Variants in ANKFN1 observed in about 807,000 individuals in gnomAD.
The protein encoded by ANKFN1 is ankyrin repeat and fibronectin type III domain containing 1.
A neutral mutation model predicts 108.7 loss-of-function variants in ANKFN1; 74 were observed. The observed-to-expected ratio is 0.68, with a 90% CI of 0.56 to 0.83. The LOEUF is 0.83. ANKFN1 is among the 40% of genes least tolerant of loss of function. The pLI, the probability that ANKFN1 is intolerant of heterozygous loss-of-function variation, is 0.00. For synonymous variants in ANKFN1, 547 were observed against 516.2 expected, an observed-to-expected ratio of 1.06 and a Z score of -0.81; for missense variants, 1,505 against 1,382.3, an observed-to-expected ratio of 1.09 and a Z score of -1.41.
At chr17:56,187,255 C>T (rs1305598617) in intron 1 of ANKFN1, among the ~76,000 whole-genome samples, 1 of 152,016 alleles carries the variant, frequency 6.6e-6, no homozygotes, top group Non-Finnish European at 1.5e-5. Context: ...ATCAAACAAC[C>T]CCATCAAAAA....
intron 8 of ANKFN1, among the ~76,000 whole-genome samples, chr17:56,428,393 CT>C (rs1567994049): frequency 4.0e-5 from 6 of 150,604 alleles, no homozygotes; most frequent in Non-Finnish European, 7.4e-5. Flanking sequence ...TACTGTTCAC[CT>C]TTTGTGACAT....
At chr17:56,343,287 C>T (rs2046007918) in intron 4 of ANKFN1, among the ~76,000 whole-genome samples, 1 of 151,886 alleles carries the variant, frequency 6.6e-6, no homozygotes, top group South Asian at 2.1e-4. Context: ...GTTTATTGTA[C>T]AGTAGGTATA....
intron 4 of ANKFN1, among the ~76,000 whole-genome samples, chr17:56,118,209 G>T (rs1369199949): frequency 6.6e-6 from 1 of 151,992 alleles, no homozygotes; most frequent in Non-Finnish European, 1.5e-5. Context: ...ACAAGTTTGC[G>T]AGGTCATATG....
chr17:56,138,002 C>T (rs114993171), intron 4 of ANKFN1, among the ~76,000 whole-genome samples: 1,650 of 152,272 alleles, frequency 0.011, 26 homozygotes, highest in African/African-American at 0.037. Context: ...CTTGAATTAA[C>T]AGGAACTTTG....
chr17:56,072,614 T>C (rs1230865801), intron 4 of ANKFN1, among the ~76,000 whole-genome samples: 1 of 152,238 alleles, frequency 6.6e-6, no homozygotes, highest in Non-Finnish European at 1.5e-5. Flanking sequence ...CCTACTTATA[T>C]GAAATATATG....
At position 56,230,882 on chromosome 17, in the gene ANKFN1, A is replaced by G. The variant is rs1916686094; in HGVS notation, c.53+2925A>G. ...CACCCTGGCTCTCATTCAATGCCCC[A>G]TTGGTGGGGGTGAGGTGGGGAAAAA... On this transcript the variant is annotated intron_variant, in intron 3 of 20. Transcript: ENST00000682825. 2.0e-5 allele frequency among the ~76,000 whole-genome samples: 3 copies of G among 151,990 alleles called. 1 individual carries two copies. The South Asian group carries it at 6.2e-4, about 32-fold the overall frequency.
At position 56,511,000 on chromosome 17, in the gene ANKFN1, C is replaced by G; in HGVS notation, c.3172C>G (p.Leu1058Val). The change falls in exon 21 of 21, where the codon CTT becomes GTT. Residue 1058 changes from leucine to valine, a missense_variant. Leu to Val is a conservative substitution (Grantham distance 32). Transcript: ENST00000682825. ...PKEAKRAGPA[L>V]DDPRGLTLAH... ...GGAGGCCAAGCGGGCCGGCCCTGCC[C>G]TTGATGATCCCAGGGGCCTAACTCT... The G allele has an allele frequency of 6.5e-7, 1 of 1,536,014 alleles. No homozygotes were observed. The highest frequency in any genetic ancestry group is 8.7e-7 in the Non-Finnish European group (1 of 1,146,872).
At chr17:56,237,315 G>T (rs1290206003) in intron 3 of ANKFN1, among the ~76,000 whole-genome samples, 1 of 152,054 alleles carries the variant, frequency 6.6e-6, no homozygotes. Context: ...TCAATTTTTG[G>T]AACAGTTTCA....
chr17:56,226,177 C>G lies in ANKFN1; in HGVS notation c.13-1740C>G, dbSNP rs562593740. ...GATCAGAACAGTGTTCCAGTTAGTG[C>G]CACATGTGAGATCTTGTTGGGTCAA... is the stretch of plus-strand genomic sequence containing the variant. On this transcript the variant is annotated intron_variant, in intron 2 of 20. Coordinates refer to ENST00000682825, the MANE Select transcript of ANKFN1 (RefSeq NM_001370326.1). 9.5e-4 allele frequency among the ~76,000 whole-genome samples: 145 copies of G among 152,044 alleles called. 1 individual carries two copies. The highest frequency in any genetic ancestry group is 3.4e-3 in the African/African-American group (142 of 41,478).
chr17:56,215,131 T>C (rs1036406158), intron 2 of ANKFN1, among the ~76,000 whole-genome samples: 9 of 152,324 alleles, frequency 5.9e-5, no homozygotes, highest in African/African-American at 1.9e-4. Context: ...TATAGAGTCA[T>C]CTTTTGTGGC....
At chr17:56,125,300 G>A (rs552123880) in intron 4 of ANKFN1, among the ~76,000 whole-genome samples, 1 of 152,318 alleles carries the variant, frequency 6.6e-6, no homozygotes, top group African/African-American at 2.4e-5. Flanking sequence ...CATTGTATGT[G>A]CTTAGTAAAT....
chr17:56,082,404 G>A (rs1905258544), intron 4 of ANKFN1, among the ~76,000 whole-genome samples: 1 of 151,114 alleles, frequency 6.6e-6, no homozygotes. Context: ...AAGGAAACCT[G>A]CTGCATTTTT....
intron 4 of ANKFN1, among the ~76,000 whole-genome samples, chr17:56,334,665 G>A (rs930656622): frequency 7.2e-5 from 11 of 151,982 alleles, no homozygotes; most frequent in Non-Finnish European, 1.3e-4. Flanking sequence ...AGGAAATTGA[G>A]GTTCAGGGAA....
At chr17:56,217,577 G>C (rs898504153) in intron 2 of ANKFN1, among the ~76,000 whole-genome samples, 1 of 152,106 alleles carries the variant, frequency 6.6e-6, no homozygotes, top group African/African-American at 2.4e-5. Context: ...AGAGGCCATG[G>C]ACACTGCCAA....
At chr17:56,407,141 G>A (rs1208363839) in intron 8 of ANKFN1, among the ~76,000 whole-genome samples, 1 of 152,172 alleles carries the variant, frequency 6.6e-6, no homozygotes, top group East Asian at 1.9e-4. Context: ...GGTAAGCATG[G>A]AACCCAGAAA....
At chr17:56,457,502 A>G in intron 13 of ANKFN1, 113 bp downstream of exon 13, 1 of 1,230,854 alleles carries the variant, frequency 8.1e-7, no homozygotes, top group Non-Finnish European at 1.1e-6. Context: ...GGGTAGAAAT[A>G]AAGTATCTCC....
intron 2 of ANKFN1, among the ~76,000 whole-genome samples, chr17:56,216,173 C>T (rs1249081829): frequency 2.0e-5 from 3 of 152,166 alleles, no homozygotes; most frequent in African/African-American, 7.2e-5. Flanking sequence ...AGAAAATGTT[C>T]TATTAAAATT....
At chr17:56,385,813 A>G (rs2047247799) in intron 8 of ANKFN1, among the ~76,000 whole-genome samples, 1 of 152,212 alleles carries the variant, frequency 6.6e-6, no homozygotes, top group African/African-American at 2.4e-5. Flanking sequence ...TTAAAAAGTC[A>G]GGAAACAACA....
At chr17:56,054,156 A>G (rs1348239002) in intron 4 of ANKFN1, among the ~76,000 whole-genome samples, 2 of 152,258 alleles carry the variant, frequency 1.3e-5, no homozygotes, top group Non-Finnish European at 2.9e-5. Context: ...ATGGAAAAAC[A>G]GTATGGAGAT....
Sources: allele counts gnomAD v4.1 joint callset (sites outside exome capture counted in the v4.1 genomes callset), GRCh38; gene constraint gnomAD v4.1.1; transcripts MANE v1.5; gene names NCBI Gene and HGNC (gene_info 2026-07-23, HGNC 2026-07-21).